Variants in HS2ST1 observed in about 807,000 individuals in gnomAD.
HS2ST1 encodes the protein 2-O-sulfotransferase.
Under a neutral mutation model 42.9 loss-of-function variants are expected in HS2ST1, and 18 were observed. The ratio of observed to expected loss-of-function variants is 0.42; its 90% CI spans 0.29 to 0.62. The LOEUF (loss-of-function observed/expected upper bound fraction) is 0.62, where lower values mean the gene tolerates loss of function less well. Ranked by LOEUF, HS2ST1 falls within the 20% of genes least tolerant of loss-of-function variation. The pLI is 0.21. For synonymous variants in HS2ST1, 146 were observed against 152.9 expected (o/e 0.95, Z 0.33); for missense variants, 334 against 433.8 (o/e 0.77, Z 2.04).
intron 1 of HS2ST1, among the ~76,000 whole-genome samples, chr1:87,027,559 A>T (rs1348050447): frequency 1.3e-5 from 2 of 152,250 alleles, no homozygotes; most frequent in Admixed American, 6.5e-5. Flanking sequence ...AAATGAAAAT[A>T]AAAAAGATGA....
intron 1 of HS2ST1, among the ~76,000 whole-genome samples, chr1:86,950,185 G>A (rs1024902723): frequency 1.5e-4 from 23 of 152,158 alleles, no homozygotes; most frequent in African/African-American, 4.8e-4. Context: ...GATATGGTGC[G>A]CTGAGAAGAG....
intron 6 of HS2ST1, among the ~76,000 whole-genome samples, chr1:87,104,026 A>G (rs1166830466): frequency 3.9e-5 from 6 of 152,194 alleles, no homozygotes; most frequent in Non-Finnish European, 8.8e-5. Context: ...CTATTGCTTG[A>G]TAAGATGCAG....
At chr1:87,061,175 TA>T (rs1411688510) in intron 1 of HS2ST1, among the ~76,000 whole-genome samples, 1 of 152,174 alleles carries the variant, frequency 6.6e-6, no homozygotes, top group Admixed American at 6.5e-5. Context: ...AACAGTTAAA[TA>T]TTTTATAATT....
intron 1 of HS2ST1, among the ~76,000 whole-genome samples, chr1:86,917,686 G>A (rs543356426): frequency 7.2e-5 from 11 of 152,268 alleles, no homozygotes; most frequent in South Asian, 2.1e-4. Context: ...AATTATGTCC[G>A]GCTGCTTAAG....
chr1:87,040,305 C>T (rs1000169792), intron 1 of HS2ST1, among the ~76,000 whole-genome samples: 2 of 152,148 alleles, frequency 1.3e-5, no homozygotes, highest in African/African-American at 4.8e-5. Flanking sequence ...GAGATTTTGC[C>T]TTTCAAGGTC....
intron 1 of HS2ST1, among the ~76,000 whole-genome samples, chr1:87,009,397 A>G (rs1649529420): frequency 2.6e-5 from 4 of 152,220 alleles, no homozygotes; most frequent in Admixed American, 2.6e-4. Flanking sequence ...TGGTCTTGTT[A>G]TTTATGGTAG....
In HS2ST1 at chr1:87,105,761, T is replaced by G. The variant is rs1172215725; in HGVS notation, c.*1065T>G. ...GTAAAACCATCAGACCTACTGTTCT[T>G]GTATTTCTCATTTAACTTTACTGTT... is the stretch of plus-strand genomic sequence containing the variant. On this transcript the variant is annotated 3_prime_UTR_variant, in exon 7 of 7. Coordinates refer to ENST00000370550, the MANE Select transcript of HS2ST1 (RefSeq NM_012262.4). 2.6e-5 allele frequency: 4 copies of G among 152,554 alleles called. No homozygotes were observed. Among genetic ancestry groups the G allele is most frequent in the Non-Finnish European group, 5.9e-5 (4 of 67,964 alleles). The allele number at this position is 152,554 out of a possible 1,614,324, so 9.5% of individuals were successfully genotyped here.
intron 1 of HS2ST1, among the ~76,000 whole-genome samples, chr1:87,065,048 T>C (rs1440436721): frequency 6.6e-6 from 1 of 152,200 alleles, no homozygotes; most frequent in African/African-American, 2.4e-5. Flanking sequence ...AAAACATTAC[T>C]TCCATGAGGA....
chr1:87,089,789 C>A (rs1368686308), intron 3 of HS2ST1, among the ~76,000 whole-genome samples: 4 of 152,016 alleles, frequency 2.6e-5, no homozygotes. Context: ...CCACCCAAAG[C>A]CATTCCACAC....
intron 1 of HS2ST1, among the ~76,000 whole-genome samples, chr1:87,026,732 C>CTA (rs1478521500): frequency 1.3e-5 from 2 of 151,938 alleles, no homozygotes; most frequent in Non-Finnish European, 2.9e-5. Flanking sequence ...GAAGCCTGTA[C>CTA]TACAGCCTCT....
At chr1:87,012,959 G>A (rs1210493966) in intron 1 of HS2ST1, among the ~76,000 whole-genome samples, 1 of 152,220 alleles carries the variant, frequency 6.6e-6, no homozygotes, top group East Asian at 1.9e-4. Flanking sequence ...GCAGGAGGTG[G>A]GCTTCCCCAT....
At chr1:87,065,019 C>G (rs989514976) in intron 1 of HS2ST1, among the ~76,000 whole-genome samples, 1 of 152,172 alleles carries the variant, frequency 6.6e-6, no homozygotes, top group Admixed American at 6.5e-5. Context: ...AGTCAATTTA[C>G]TTAATTCTCA....
chr1:86,914,842 C>T lies in HS2ST1; in HGVS notation c.-195C>T. 2 of 622,302 alleles carry T rather than the reference C, an allele frequency of 3.2e-6. No individual in the cohort carries two copies. The highest frequency in any genetic ancestry group is 5.5e-6 in the Non-Finnish European group (2 of 361,504). 38.5% of individuals were successfully genotyped at this position (622,302 alleles called of 1,614,324 possible). ...TTAGTCGGCTGAGGAGAAGCGGACACCAGCGGCGTTGGTGATAGCGCCTGG... is the reference window on the plus strand; with the variant it reads ...TTAGTCGGCTGAGGAGAAGCGGACATCAGCGGCGTTGGTGATAGCGCCTGG... On this transcript the variant is annotated 5_prime_UTR_variant, in exon 1 of 7. Transcript: ENST00000370550.
At chr1:86,983,128 G>A (rs1036407851) in intron 1 of HS2ST1, among the ~76,000 whole-genome samples, 16 of 152,012 alleles carry the variant, frequency 1.1e-4, no homozygotes, top group African/African-American at 3.6e-4. Context: ...AAACTGTCCC[G>A]GCCTCTGTCT....
intron 1 of HS2ST1, among the ~76,000 whole-genome samples, chr1:86,970,197 T>C (rs745860774): frequency 2.0e-5 from 3 of 152,194 alleles, no homozygotes; most frequent in Non-Finnish European, 4.4e-5. Context: ...GATTTTATTT[T>C]GTTTTGGTTA....
intron 1 of HS2ST1, among the ~76,000 whole-genome samples, chr1:87,026,381 T>G (rs1650086534): frequency 6.6e-6 from 1 of 152,192 alleles, no homozygotes; most frequent in African/African-American, 2.4e-5. Flanking sequence ...ATTAGGTAAA[T>G]TATGTCACAC....
At position 87,108,161 on chromosome 1, in the gene HS2ST1, A is replaced by G. The variant is rs1311474426; in HGVS notation, c.*3465A>G. ...ATTGTTAGAAAACAGTTTGTAGACA[A>G]TGATTCTTTTTTAATAAAATCAAAT... On this transcript the variant is annotated 3_prime_UTR_variant, in exon 7 of 7. Coordinates refer to ENST00000370550, the MANE Select transcript of HS2ST1 (RefSeq NM_012262.4). The G allele has an allele frequency of 6.6e-6, 1 of 152,080 alleles. No individual in the cohort carries two copies. Among genetic ancestry groups the G allele is most frequent in the African/African-American group, 2.4e-5 (1 of 41,448 alleles). 9.4% of individuals were successfully genotyped at this position (152,080 alleles called of 1,614,324 possible). A position where few individuals can be genotyped will look rare whatever the true frequency, so the allele number is the denominator to read the frequency against.
At chr1:86,939,016 T>C (rs961626131) in intron 1 of HS2ST1, among the ~76,000 whole-genome samples, 1 of 151,974 alleles carries the variant, frequency 6.6e-6, no homozygotes, top group African/African-American at 2.4e-5. Context: ...TCAAGTGTTG[T>C]TTTTTTTAGA....
intron 1 of HS2ST1, among the ~76,000 whole-genome samples, chr1:87,058,321 C>T (rs749604894): frequency 1.3e-5 from 2 of 151,812 alleles, no homozygotes; most frequent in Non-Finnish European, 2.9e-5. Flanking sequence ...GAGCCACAGT[C>T]ATATCTTTTT....
Sources: allele counts gnomAD v4.1 joint callset (sites outside exome capture counted in the v4.1 genomes callset), GRCh38; gene constraint gnomAD v4.1.1; transcripts MANE v1.5; gene names NCBI Gene and HGNC (gene_info 2026-07-23, HGNC 2026-07-21).